Variants in DST observed in about 807,000 individuals in gnomAD.
The protein encoded by DST is dystonin.
In DST, 253 loss-of-function variants were observed where a neutral mutation model predicts 875.2. The observed-to-expected ratio is 0.29, with a 90% CI of 0.26 to 0.32. DST has a LOEUF of 0.32. Among genes scored for constraint, DST ranks in the 10% least tolerant of loss-of-function variants. DST has a pLI of 1.00. For synonymous variants in DST, 3,124 were observed against 3,197.1 expected (o/e 0.98, Z 0.77); for missense variants, 8,287 against 9,111.6 (o/e 0.91, Z 3.68).
chr6:56,735,010 C>A, intron 5 of DST: 1 of 458,652 alleles, frequency 2.2e-6, no homozygotes, highest in Non-Finnish European at 3.8e-6. Context: ...TCACAGAATG[C>A]ACTGAAATCA....
At chr6:56,726,087 C>A (rs1278140698) in intron 5 of DST, among the ~76,000 whole-genome samples, 1 of 152,206 alleles carries the variant, frequency 6.6e-6, no homozygotes, top group Non-Finnish European at 1.5e-5. Flanking sequence ...GCCTTCCCAG[C>A]TTCAACAGCT....
Position 56,552,178 on chromosome 6 carries a change from C to A in DST, c.16608+6G>T. ...AAACACTGGGTAAAAATGAAGAGTTCCCTACCTTGAACATGTTAAGCTGCT... is the reference window on the plus strand; with the variant it reads ...AAACACTGGGTAAAAATGAAGAGTTACCTACCTTGAACATGTTAAGCTGCT... On this transcript the variant is annotated splice_donor_region_variant and intron_variant, in intron 61 of 103. Transcript: ENST00000680361. The A allele has an allele frequency of 6.3e-7, 1 of 1,588,690 alleles. No individual in the cohort carries two copies. Among genetic ancestry groups the A allele is most frequent in the South Asian group, 1.2e-5 (1 of 85,630 alleles).
chr6:56,911,201 A>G (rs1798708986), intron 2 of DST, among the ~76,000 whole-genome samples: 1 of 152,166 alleles, frequency 6.6e-6, no homozygotes, highest in Non-Finnish European at 1.5e-5. Flanking sequence ...GAGGAAGGGA[A>G]GGAGGAAGGG....
At chr6:56,940,233 CACAT>C (rs1212848001) in intron 2 of DST, among the ~76,000 whole-genome samples, 33 of 139,000 alleles carry the variant, frequency 2.4e-4, no homozygotes, top group East Asian at 7.1e-4. Context: ...CACACACACA[CACAT>C]ATATACATAT....
chr6:56,489,269 T>C (rs2095662074), intron 86 of DST, among the ~76,000 whole-genome samples: 1 of 152,222 alleles, frequency 6.6e-6, no homozygotes, highest in Admixed American at 6.5e-5. Flanking sequence ...TGTTTTTCTT[T>C]TTAACAATTA....
At chr6:56,922,092 T>C (rs779367304) in intron 2 of DST, among the ~76,000 whole-genome samples, 2 of 152,180 alleles carry the variant, frequency 1.3e-5, no homozygotes, top group Non-Finnish European at 2.9e-5. Flanking sequence ...TCCCATTGAC[T>C]ATTAAAATCT....
intron 4 of DST, among the ~76,000 whole-genome samples, chr6:56,740,959 A>C (rs896749652): frequency 1.3e-5 from 2 of 152,148 alleles, no homozygotes; most frequent in African/African-American, 2.4e-5. Context: ...TTTCCATATA[A>C]GTCACAAAAT....
chr6:56,501,536 C>T lies in DST; in HGVS notation c.19724G>A (p.Arg6575Lys). Residue 6575 changes from arginine to lysine, a missense_variant, in exon 79 of 104, where the codon AGA (arginine) becomes AAA (lysine). By Grantham distance (26) the Arg-to-Lys change is conservative. This residue lies in a region of DST where 1,292 missense variants were observed against 1,552.7 expected (regional missense o/e 0.83). Transcript: ENST00000680361. ...GGTATTTACCTGTCTGTTGATGATTCTCTCCTCCAGGCTATCCCATATCAA... is the reference window on the plus strand; with the variant it reads ...GGTATTTACCTGTCTGTTGATGATTTTCTCCTCCAGGCTATCCCATATCAA... Reference protein sequence around the residue: ...LKLIWDSLEERIINRQHKLEG... With the variant: ...LKLIWDSLEEKIINRQHKLEG... 6.3e-7 allele frequency: 1 copy of T among 1,579,334 alleles called. No homozygotes were observed. The highest frequency in any genetic ancestry group is 8.6e-7 in the Non-Finnish European group (1 of 1,162,984).
chr6:56,477,719 G>C (rs1003147551), intron 90 of DST, among the ~76,000 whole-genome samples: 6 of 152,134 alleles, frequency 3.9e-5, no homozygotes, highest in African/African-American at 1.4e-4. Flanking sequence ...AATCCAAGGG[G>C]AGTTGGTTCC....
chr6:56,774,488 C>A (rs1590025178), intron 4 of DST, among the ~76,000 whole-genome samples: 2 of 152,332 alleles, frequency 1.3e-5, no homozygotes, highest in East Asian at 3.9e-4. Flanking sequence ...ATTCATTTAG[C>A]CATTCAACAC....
intron 3 of DST, among the ~76,000 whole-genome samples, chr6:56,894,336 C>A (rs1789655169): frequency 1.9e-5 from 2 of 103,430 alleles, no homozygotes; most frequent in Admixed American, 1.7e-4. Flanking sequence ...CTGGATAGGG[C>A]GGCTGGCCGG....
chr6:56,650,879 G>T, intron 12 of DST, 47 bp downstream of exon 12: 1 of 1,178,080 alleles, frequency 8.5e-7, no homozygotes, highest in Non-Finnish European at 1.2e-6. Flanking sequence ...CAGTCAATTG[G>T]TCATTACTGA....
At chr6:56,609,936 T>C (rs1383822835) in intron 39 of DST, among the ~76,000 whole-genome samples, 1 of 152,208 alleles carries the variant, frequency 6.6e-6, no homozygotes, top group Non-Finnish European at 1.5e-5. Context: ...TGTCAAGTTT[T>C]AAAAGTTTAA....
chr6:56,741,437 A>T (rs77058441), intron 4 of DST, among the ~76,000 whole-genome samples: 1 of 152,216 alleles, frequency 6.6e-6, no homozygotes, highest in African/African-American at 2.4e-5. Flanking sequence ...AACTTAAATG[A>T]GTCCCATTCA....
At chr6:56,569,259 A>G (rs568580582) in intron 54 of DST, among the ~76,000 whole-genome samples, 1 of 148,330 alleles carries the variant, frequency 6.7e-6, no homozygotes, top group South Asian at 2.2e-4. Context: ...CAGGAGGCAG[A>G]GCTTGCAGTG....
rs576549674 is a variant in DST, at chr6:56,573,435, G to A, written c.13236+244C>T. ...AATGATAAACAAGATAAGACTCAAT[G>A]TATGCATAAGCCCTCTATAATGAAT... is the stretch of plus-strand genomic sequence containing the variant. On this transcript the variant is annotated intron_variant, in intron 51 of 103. Transcript: ENST00000680361. Among the ~76,000 whole-genome samples, 10 of 152,296 alleles carry A rather than the reference G, an allele frequency of 6.6e-5. No homozygotes were observed. The South Asian group carries it at 2.1e-3, about 32-fold the overall frequency.
chr6:56,951,857 G>C (rs1400117278), intron 2 of DST, among the ~76,000 whole-genome samples: 1 of 152,162 alleles, frequency 6.6e-6, no homozygotes, highest in Non-Finnish European at 1.5e-5. Flanking sequence ...AGTAAGAGTT[G>C]AGATTTAGCA....
chr6:56,477,587 A>C, intron 90 of DST, 99 bp from the exon 91 acceptor site: 1 of 1,472,296 alleles, frequency 6.8e-7, no homozygotes, highest in South Asian at 1.2e-5. Context: ...AAATAAACAA[A>C]AACTTCAATT....
chr6:56,536,369 G>C (rs1402025212), intron 62 of DST, among the ~76,000 whole-genome samples: 1 of 152,140 alleles, frequency 6.6e-6, no homozygotes, highest in African/African-American at 2.4e-5. Context: ...AAAATAGGAA[G>C]GTTTCACATA....
Sources: allele counts gnomAD v4.1 joint callset (sites outside exome capture counted in the v4.1 genomes callset), GRCh38; gene constraint gnomAD v4.1.1; regional missense constraint gnomAD v4.1.1; transcripts MANE v1.5; gene names NCBI Gene and HGNC (gene_info 2026-07-23, HGNC 2026-07-21).